The following CLSTN2 variants were observed in gnomAD, a reference collection of about 807,000 sequenced individuals.
CLSTN2 encodes the protein calsyntenin-2.
In CLSTN2, 48 loss-of-function variants were observed where a neutral mutation model predicts 101.2. The observed-to-expected ratio is 0.47, with a 90% CI of 0.38 to 0.60. The LOEUF is 0.60. CLSTN2 is among the 20% of genes least tolerant of loss of function. CLSTN2 has a pLI of 0.00. For synonymous variants in CLSTN2, 481 were observed against 463.6 expected (o/e 1.04, Z -0.48); for missense variants, 1,160 against 1,238.2 (o/e 0.94, Z 0.95).
intron 1 of CLSTN2, among the ~76,000 whole-genome samples, chr3:139,958,044 A>T (rs1160564836): frequency 6.6e-6 from 1 of 152,196 alleles, no homozygotes; most frequent in African/African-American, 2.4e-5. Flanking sequence ...CATCCTGCAG[A>T]TGAAGTCAGA....
At chr3:140,364,604 A>C (rs2087764669) in intron 2 of CLSTN2, among the ~76,000 whole-genome samples, 1 of 152,114 alleles carries the variant, frequency 6.6e-6, no homozygotes, top group Non-Finnish European at 1.5e-5. Context: ...GCAGCTTACA[A>C]TAGCAGTTGG....
intron 5 of CLSTN2, among the ~76,000 whole-genome samples, chr3:140,442,981 C>T (rs899494934): frequency 1.3e-5 from 2 of 152,208 alleles, no homozygotes; most frequent in African/African-American, 4.8e-5. Context: ...CAAATCAAAG[C>T]CATTCATCCC....
intron 1 of CLSTN2, among the ~76,000 whole-genome samples, chr3:140,125,212 G>A (rs1351886047): frequency 6.6e-6 from 1 of 152,150 alleles, no homozygotes; most frequent in Non-Finnish European, 1.5e-5. Flanking sequence ...CAGTGAATAG[G>A]AGCATGAGAA....
At chr3:140,370,845 A>G (rs1381814971) in intron 2 of CLSTN2, among the ~76,000 whole-genome samples, 2 of 152,146 alleles carry the variant, frequency 1.3e-5, no homozygotes, top group Non-Finnish European at 2.9e-5. Flanking sequence ...TTCTTCCATC[A>G]TAATCTAAGC....
In CLSTN2 at chr3:140,107,079, T is replaced by C. The variant is rs530319402; in HGVS notation, c.110-68872T>C. ...CAATCTATATGAATCCTTTGGTGAA[T>C]GCTGGTACAGCTGAAAAAAGGCAGA... On this transcript the variant is annotated intron_variant, in intron 1 of 16. Coordinates refer to ENST00000458420, the MANE Select transcript of CLSTN2 (RefSeq NM_022131.3). 3.3e-5 allele frequency among the ~76,000 whole-genome samples: 5 copies of C among 152,336 alleles called. No homozygotes were observed. The East Asian group carries it at 7.7e-4, about 24-fold the overall frequency.
intron 1 of CLSTN2, among the ~76,000 whole-genome samples, chr3:140,113,392 G>A (rs1378698616): frequency 6.6e-6 from 1 of 152,138 alleles, no homozygotes; most frequent in Non-Finnish European, 1.5e-5. Context: ...CGGCACTCTT[G>A]GTCTTCAATA....
chr3:140,466,390 G>A (rs1048625954), intron 7 of CLSTN2, among the ~76,000 whole-genome samples: 2 of 152,166 alleles, frequency 1.3e-5, no homozygotes, highest in African/African-American at 4.8e-5. Flanking sequence ...TTCTCAGCAA[G>A]AGTTTGGCTG....
At chr3:139,975,063 A>G (rs1474888105) in intron 1 of CLSTN2, among the ~76,000 whole-genome samples, 1 of 152,196 alleles carries the variant, frequency 6.6e-6, no homozygotes, top group Non-Finnish European at 1.5e-5. Context: ...GTGTGTGCAG[A>G]CAGGAGGCTG....
At chr3:140,258,275 G>A (rs2086620388) in intron 2 of CLSTN2, among the ~76,000 whole-genome samples, 1 of 152,182 alleles carries the variant, frequency 6.6e-6, no homozygotes, top group Non-Finnish European at 1.5e-5. Flanking sequence ...GCTAATTCCA[G>A]ATGCGCATTG....
intron 2 of CLSTN2, among the ~76,000 whole-genome samples, chr3:140,371,144 C>T (rs1185189038): frequency 2.6e-5 from 4 of 152,190 alleles, no homozygotes; most frequent in Non-Finnish European, 5.9e-5. Flanking sequence ...ACTGAAGCTG[C>T]TAACAGATAA....
chr3:140,459,666 G>C lies in CLSTN2; in HGVS notation c.1119G>C (p.Lys373Asn). The change falls in exon 7 of 17, where the codon AAG becomes AAC. Residue 373 changes from lysine (K) to asparagine (N), a missense_variant. Transcript: ENST00000458420. Reference protein sequence around the residue: ...GAKVPDGIVPKNLTDQFTITM... With the variant: ...GAKVPDGIVPNNLTDQFTITM... ...AAGTCCCCGATGGGATTGTGCCCAA[G>C]AACCTGACCGATCAGTTCACCATCA... 2 of 1,614,138 alleles carry C rather than the reference G, an allele frequency of 1.2e-6. No homozygotes were observed.
At chr3:139,994,112 C>T (rs535666861) in intron 1 of CLSTN2, among the ~76,000 whole-genome samples, 19 of 152,310 alleles carry the variant, frequency 1.2e-4, no homozygotes, top group Admixed American at 3.9e-4. Context: ...TTCACATGCA[C>T]CTGCCACAGC....
chr3:140,154,769 C>G (rs1471291076), intron 1 of CLSTN2, among the ~76,000 whole-genome samples: 3 of 151,652 alleles, frequency 2.0e-5, no homozygotes, highest in Non-Finnish European at 4.4e-5. Context: ...CTCAGCCTCC[C>G]AAATAGCTGG....
chr3:140,100,083 C>CT (rs2008939270), intron 1 of CLSTN2, among the ~76,000 whole-genome samples: 1 of 152,076 alleles, frequency 6.6e-6, no homozygotes, highest in East Asian at 1.9e-4. Context: ...AAACTCTTGC[C>CT]TACATACATG....
At chr3:140,371,212 G>A (rs937389401) in intron 2 of CLSTN2, among the ~76,000 whole-genome samples, 1 of 152,160 alleles carries the variant, frequency 6.6e-6, no homozygotes, top group Non-Finnish European at 1.5e-5. Context: ...TGGAGACAGG[G>A]ATCTGAGAGG....
chr3:140,317,483 G>T (rs2087240770), intron 2 of CLSTN2, among the ~76,000 whole-genome samples: 1 of 152,144 alleles, frequency 6.6e-6, no homozygotes, highest in South Asian at 2.1e-4. Flanking sequence ...TGTGCCTTCT[G>T]TAAAAGTTCC....
chr3:140,093,042 C>T (rs2008807778), intron 1 of CLSTN2, among the ~76,000 whole-genome samples: 2 of 152,032 alleles, frequency 1.3e-5, no homozygotes, highest in Admixed American at 1.3e-4. Flanking sequence ...AGGATGTAAG[C>T]CCTTTGTTAT....
chr3:140,185,682 G>A (rs1188099815), intron 2 of CLSTN2, among the ~76,000 whole-genome samples: 2 of 152,032 alleles, frequency 1.3e-5, no homozygotes, highest in East Asian at 3.9e-4. Flanking sequence ...GGGGTGCAGG[G>A]CAGATGGAGA....
rs2107893626 is a variant in CLSTN2, at chr3:140,276,848, C to A, written c.232+100775C>A. ...ATTCCTCATTAGTTGAGTGTGGCCT[C>A]TAGAGGTCAGCACTCTGGGCTGCCT... On this transcript the variant is annotated intron_variant, in intron 2 of 16. Transcript: ENST00000458420. Among the ~76,000 whole-genome samples, 3 of 152,262 alleles carry A rather than the reference C, an allele frequency of 2.0e-5. 1 individual carries two copies. Among genetic ancestry groups the A allele is most frequent in the Admixed American group, 2.0e-4 (3 of 15,284 alleles).
Sources: gnomAD v4.1 joint callset for allele counts (sites outside exome capture counted in the v4.1 genomes callset) on GRCh38, gnomAD v4.1.1 for gene constraint, MANE v1.5 for transcripts, NCBI Gene and HGNC (gene_info 2026-07-23, HGNC 2026-07-21) for gene names.